The following FABP5 variants were observed in gnomAD, a reference collection of about 807,000 sequenced individuals.
The protein encoded by FABP5 is fatty acid binding protein 5, also known as fatty acid-binding protein 5.
FABP5 carries 7 observed loss-of-function variants against 16.9 expected under a neutral mutation model. That is an observed-to-expected ratio of 0.41 (90% confidence interval 0.24 to 0.78). The LOEUF (loss-of-function observed/expected upper bound fraction) is 0.78, where lower values mean the gene tolerates loss of function less well. Among genes scored for constraint, FABP5 ranks in the 30% least tolerant of loss-of-function variants. FABP5 has a pLI of 0.30. For missense variants in FABP5, 119 were observed against 159.5 expected (o/e 0.75, Z 1.37); for synonymous variants, 37 against 52.8 (o/e 0.70, Z 1.30).
rs146631328 is a variant in FABP5 at position 81,283,361 on chromosome 8, T to C, written c.80-5T>C. On this transcript the variant is annotated splice_polypyrimidine_tract_variant and splice_region_variant and intron_variant, in intron 1 of 3. Coordinates refer to ENST00000297258, the MANE Select transcript of FABP5 (RefSeq NM_001444.3). ...TGTTATTTAACATGACTTAACATTC[T>C]ACAGGAGTGGGAATAGCTTTGCGAA... is the stretch of plus-strand genomic sequence containing the variant. 94 of 1,589,304 alleles carry C rather than the reference T, an allele frequency of 5.9e-5. No individual in the cohort carries two copies. In the African/African-American group the frequency reaches 1.2e-3, roughly 21 times the overall value.
chr8:81,283,052 G>C, intron 1 of FABP5: 2 of 212,004 alleles, frequency 9.4e-6, no homozygotes, highest in East Asian at 2.0e-4. Context: ...GAGCCAGGGT[G>C]CCAGTGCTCT....
At chr8:81,280,710 C>G in intron 1 of FABP5, 36 bp downstream of exon 1, 1 of 1,536,348 alleles carries the variant, frequency 6.5e-7, no homozygotes, top group Non-Finnish European at 8.8e-7. Context: ...TGCAACGTGG[C>G]GTGTTGTGCG....
Position 81,281,797 on chromosome 8 carries a change from C to G in FABP5, c.79+1123C>G. ...TGCAAACAAAAATGGACCTTTGTCA[C>G]AGGCCACTAGGAAGTGAGATGGAGT... On this transcript the variant is annotated intron_variant, in intron 1 of 3. Coordinates refer to ENST00000297258, the MANE Select transcript of FABP5 (RefSeq NM_001444.3). The surrounding 1 kb of genome is among the most constrained non-coding windows in gnomAD (Gnocchi z 4.5). 2.7e-5 allele frequency: 12 copies of G among 443,342 alleles called. No homozygotes were observed. The highest frequency in any genetic ancestry group is 3.6e-5 in the Non-Finnish European group (12 of 334,856). 27.5% of individuals were successfully genotyped at this position (443,342 alleles called of 1,614,324 possible).
intron 1 of FABP5, chr8:81,280,941 T>C (rs1444170390): frequency 4.5e-6 from 2 of 442,444 alleles, no homozygotes; most frequent in African/African-American, 4.1e-5. Context: ...TCCACCTACC[T>C]CTGCTTCTTT....
At chr8:81,284,158 TAG>T (rs1491555000) in intron 3 of FABP5, 184 bp downstream of exon 3, 4 of 575,228 alleles carry the variant, frequency 7.0e-6, no homozygotes, top group Non-Finnish European at 9.1e-6. Context: ...TGACATGACA[TAG>T]GAGAGGATTT....
intron 1 of FABP5, 43 bp from the exon 2 acceptor site, chr8:81,283,323 A>G (rs769141804): frequency 4.7e-6 from 7 of 1,474,980 alleles, no homozygotes; most frequent in Non-Finnish European, 6.4e-6. Flanking sequence ...GTAAATGATA[A>G]CTTTGGTCTT....
intron 1 of FABP5, chr8:81,280,891 C>T (rs1027186607): frequency 2.0e-6 from 1 of 507,092 alleles, no homozygotes. Flanking sequence ...CTCTTGCCCG[C>T]CCGCGGGCCG....
chr8:81,283,081 C>G (rs1807858907), intron 1 of FABP5: 1 of 251,634 alleles, frequency 4.0e-6, no homozygotes, highest in African/African-American at 2.2e-5. Flanking sequence ...AGCTCCATCA[C>G]TTTCTAGTTG....
chr8:81,280,939 C>T (rs2131267007), intron 1 of FABP5: 1 of 452,960 alleles, frequency 2.2e-6, no homozygotes, highest in Middle Eastern at 6.1e-4. Context: ...GGTCCACCTA[C>T]CTCTGCTTCT....
intron 1 of FABP5, among the ~76,000 whole-genome samples, chr8:81,282,755 A>G (rs1807852250): frequency 6.6e-6 from 1 of 152,186 alleles, no homozygotes; most frequent in African/African-American, 2.4e-5. Context: ...GAGTTTTAAA[A>G]GATTGTGCTA....
intron 1 of FABP5, among the ~76,000 whole-genome samples, chr8:81,282,046 T>C (rs77154029): frequency 0.023 from 3,439 of 152,214 alleles, 122 homozygotes; most frequent in African/African-American, 0.078. Flanking sequence ...TGGTTTATGG[T>C]GAATCATGAG....
Position 81,281,692 on chromosome 8 carries a change from C to CA in FABP5, c.79+1022dup. The CA allele has an allele frequency of 1.0e-6, 1 of 981,790 alleles. No individual in the cohort carries two copies. Among genetic ancestry groups the CA allele is most frequent in the Non-Finnish European group, 1.2e-6 (1 of 826,590 alleles). 60.8% of individuals were successfully genotyped at this position (981,790 alleles called of 1,614,324 possible). A position where few individuals can be genotyped will look rare whatever the true frequency, so the allele number is the denominator to read the frequency against. On this transcript the variant is annotated intron_variant, in intron 1 of 3. Coordinates refer to ENST00000297258, the MANE Select transcript of FABP5 (RefSeq NM_001444.3). This position sits in a 1 kb window ranked among gnomAD's most constrained non-coding sequence, Gnocchi z 4.5. The stretch of plus-strand genomic sequence containing the variant: ...TCAGTAGTAAGATTCATTTCTCACT[C>CA]AAAACAGTGCTTCATTATAAATTAC...
At chr8:81,283,832 A>G in intron 2 of FABP5, 41 bp from the exon 3 acceptor site, 1 of 1,510,200 alleles carries the variant, frequency 6.6e-7, no homozygotes, top group East Asian at 2.4e-5. Flanking sequence ...AAACTCTTGT[A>G]ATGTACTTGG....
At chr8:81,283,784 G>T in intron 2 of FABP5, 89 bp from the exon 3 acceptor site, 1 of 1,134,404 alleles carries the variant, frequency 8.8e-7, no homozygotes, top group Non-Finnish European at 1.3e-6. Flanking sequence ...AAAGGAGAAG[G>T]TGAAACAAAT....
chr8:81,281,707 T>C lies in FABP5; in HGVS notation c.79+1033T>C. Reference sequence around the variant, plus strand: ...ATTTCTCACTCAAAACAGTGCTTCATTATAAATTACTGTCCTTTTCTATGC... The same window carrying C: ...ATTTCTCACTCAAAACAGTGCTTCACTATAAATTACTGTCCTTTTCTATGC... On this transcript the variant is annotated intron_variant, in intron 1 of 3. Transcript: ENST00000297258. This position sits in a 1 kb window ranked among gnomAD's most constrained non-coding sequence, Gnocchi z 4.5. 5 of 976,938 alleles carry C rather than the reference T, an allele frequency of 5.1e-6. No homozygotes were observed. The highest frequency in any genetic ancestry group is 6.1e-6 in the Non-Finnish European group (5 of 822,152). The allele number at this position is 976,938 out of a possible 1,614,324, so 60.5% of individuals were successfully genotyped here.
chr8:81,280,983 G>C (rs978322538), intron 1 of FABP5: 5 of 348,530 alleles, frequency 1.4e-5, no homozygotes, highest in Non-Finnish European at 2.7e-5. Context: ...CTTCCGCATT[G>C]CTTCCTGTCC....
chr8:81,281,527 G>A lies in FABP5; in HGVS notation c.79+853G>A, dbSNP rs1182668762. The A allele has an allele frequency of 1.0e-6, 1 of 985,598 alleles. No individual in the cohort carries two copies. The highest frequency in any genetic ancestry group is 1.2e-6 in the Non-Finnish European group (1 of 830,156). The allele number at this position is 985,598 out of a possible 1,614,324, so 61.1% of individuals were successfully genotyped here. ...ATCCTGGCCTCTGCCACTTGAGGGT[G>A]AGGAGGAAGGAGGCAGTGGGCTTTG... On this transcript the variant is annotated intron_variant, in intron 1 of 3. Transcript: ENST00000297258. The surrounding 1 kb of genome is among the most constrained non-coding windows in gnomAD (Gnocchi z 4.5).
rs1210682317 is a variant in FABP5 at position 81,283,459 on chromosome 8, G to A, written c.173G>A (p.Ser58Asn). The part of the protein sequence containing the change: ...DGKNLTIKTE[S>N]TLKTTQFSCT... The stretch of plus-strand genomic sequence containing the variant: ...AAAAACCTCACCATAAAAACTGAGA[G>A]CACTTTGAAAACAACACAGTTTTCT... Residue 58 changes from serine (S) to asparagine (N), a missense_variant, in exon 2 of 4, where the codon AGC (serine) becomes AAC (asparagine). By Grantham distance (46) the Ser-to-Asn change is conservative. Transcript: ENST00000297258. 2 of 1,612,660 alleles carry A rather than the reference G, an allele frequency of 1.2e-6. No individual in the cohort carries two copies. Among genetic ancestry groups the A allele is most frequent in the African/African-American group, 1.3e-5 (1 of 74,948 alleles).
At chr8:81,282,394 A>G (rs1341404024) in intron 1 of FABP5, among the ~76,000 whole-genome samples, 3 of 152,204 alleles carry the variant, frequency 2.0e-5, no homozygotes, top group Admixed American at 2.0e-4. Flanking sequence ...CTCAATTAAC[A>G]GCATAAGGCA....
Sources: allele counts gnomAD v4.1 joint callset (sites outside exome capture counted in the v4.1 genomes callset), GRCh38; gene constraint gnomAD v4.1.1; non-coding constraint Gnocchi (gnomAD v3.1); transcripts MANE v1.5; gene names NCBI Gene and HGNC (gene_info 2026-07-23, HGNC 2026-07-21).